Variants in GOLGB1 observed in about 807,000 individuals in gnomAD.
GOLGB1 encodes golgin B1.
A neutral mutation model predicts 336.9 loss-of-function variants in GOLGB1; 174 were observed. That is an observed-to-expected ratio of 0.52 (90% CI 0.46 to 0.59). The LOEUF (loss-of-function observed/expected upper bound fraction) is 0.59. Ranked by LOEUF, GOLGB1 falls within the 20% of genes least tolerant of loss-of-function variation. The pLI, the probability that GOLGB1 is intolerant of heterozygous loss-of-function variation, is 0.00. For missense variants in GOLGB1, 3,331 were observed against 3,645.3 expected, an observed-to-expected ratio of 0.91 and a Z score of 2.22; for synonymous variants, 1,208 against 1,289.2, an observed-to-expected ratio of 0.94 and a Z score of 1.35.
intron 20 of GOLGB1, among the ~76,000 whole-genome samples, chr3:121,665,649 A>G (rs1938508937): frequency 6.6e-6 from 1 of 152,216 alleles, no homozygotes; most frequent in Admixed American, 6.5e-5. Flanking sequence ...TCTCCATTTA[A>G]TGAAGAAGCT....
In GOLGB1 at chr3:121,694,880, C is replaced by G; in HGVS notation, c.5643G>C (p.Gln1881His). 6.2e-7 allele frequency: 1 copy of G among 1,613,678 alleles called. No individual in the cohort carries two copies. Among genetic ancestry groups the G allele is most frequent in the South Asian group, 1.1e-5 (1 of 91,070 alleles). ...TTAGTTCACCATCCTTTGTTGATAT[C>G]TGACTCAGTAAGGTATTTTTCTCAT... The part of the protein sequence containing the change: ...LENEKNTLLS[Q>H]ISTKDGELKM... The change falls in exon 13 of 22, where the codon CAG becomes CAC. Residue 1881 changes from glutamine to histidine, a missense_variant. Coordinates refer to ENST00000614479, the MANE Select transcript of GOLGB1 (RefSeq NM_001366282.2).
chr3:121,671,498 A>G (rs1430575837), intron 17 of GOLGB1, among the ~76,000 whole-genome samples: 1 of 152,200 alleles, frequency 6.6e-6, no homozygotes, highest in Non-Finnish European at 1.5e-5. Flanking sequence ...CCAGATACTT[A>G]AAAAATTTTT....
chr3:121,730,651 G>C (rs1946028882), intron 2 of GOLGB1, among the ~76,000 whole-genome samples: 1 of 152,190 alleles, frequency 6.6e-6, no homozygotes, highest in Admixed American at 6.5e-5. Context: ...GGAGACAAAT[G>C]AGAAAGCCCT....
intron 1 of GOLGB1, among the ~76,000 whole-genome samples, chr3:121,747,598 T>C (rs1947457877): frequency 6.6e-6 from 1 of 151,820 alleles, no homozygotes; most frequent in African/African-American, 2.4e-5. Context: ...CCCATGGATA[T>C]TGAAAGTGCC....
intron 18 of GOLGB1, chr3:121,668,401 G>A (rs1036893370): frequency 2.5e-4 from 72 of 284,364 alleles, no homozygotes; most frequent in African/African-American, 1.6e-3. Context: ...TGGGCCGGGC[G>A]CCGTGGCTCA....
intron 14 of GOLGB1, among the ~76,000 whole-genome samples, chr3:121,686,960 G>A (rs539769906): frequency 6.6e-6 from 1 of 152,124 alleles, no homozygotes; most frequent in Non-Finnish European, 1.5e-5. Flanking sequence ...AAAAGGGAAC[G>A]CTGGAAAGGT....
At chr3:121,700,155 G>T (rs779404343) in intron 11 of GOLGB1, among the ~76,000 whole-genome samples, 5 of 152,000 alleles carry the variant, frequency 3.3e-5, no homozygotes, top group Non-Finnish European at 7.4e-5. Flanking sequence ...CAGGATGCAG[G>T]ACATAAAGCA....
chr3:121,699,828 T>C lies in GOLGB1; in HGVS notation c.1577A>G (p.Asp526Gly). ...LEAQNRTGEA[D>G]REVSEISIVD... The stretch of plus-strand genomic sequence containing the variant: ...ATCACTTACCTCACTGACTTCTCTG[T>C]CTGCCTCCCCAGTTCTATTCTGAGC... The change falls in exon 12 of 22, where the codon GAC becomes GGC. Residue 526 changes from aspartate (D) to glycine (G), a missense_variant. Coordinates refer to ENST00000614479, the MANE Select transcript of GOLGB1 (RefSeq NM_001366282.2). The C allele has an allele frequency of 1.9e-6, 3 of 1,601,712 alleles. No individual in the cohort carries two copies. Among genetic ancestry groups the C allele is most frequent in the Non-Finnish European group, 2.6e-6 (3 of 1,169,658 alleles).
chr3:121,674,837 T>G (rs1178839454), intron 17 of GOLGB1, among the ~76,000 whole-genome samples: 1 of 149,106 alleles, frequency 6.7e-6, no homozygotes. Context: ...TTTTTTTTTT[T>G]TTTTTTTTTG....
chr3:121,717,139 T>C lies in GOLGB1; in HGVS notation c.886A>G (p.Ile296Val). Residue 296 changes from isoleucine to valine, a missense_variant and splice_region_variant, in exon 9 of 22, where the codon ATT becomes GTT. Physicochemically the swap from Ile to Val is conservative, Grantham distance 29 (BLOSUM62 3). Coordinates refer to ENST00000614479, the MANE Select transcript of GOLGB1 (RefSeq NM_001366282.2). ...ELTAAEQRNQ[I>V]LSQQLQQMEA... ...ATCTGCTGTAACTGCTGAGAGAGAA[T>C]CTAAGAAAAAAGACAAAGTCTCATG... 1.3e-6 allele frequency: 2 copies of C among 1,589,270 alleles called. No homozygotes were observed. Among genetic ancestry groups the C allele is most frequent in the Non-Finnish European group, 1.7e-6 (2 of 1,170,232 alleles).
At chr3:121,706,853 C>G (rs1943900207) in intron 10 of GOLGB1, among the ~76,000 whole-genome samples, 1 of 150,138 alleles carries the variant, frequency 6.7e-6, no homozygotes, top group Non-Finnish European at 1.5e-5. Context: ...GAATTCTAGT[C>G]AGCAAAAAAT....
At position 121,692,091 on chromosome 3, in the gene GOLGB1, C is replaced by T. The variant is rs2107789721; in HGVS notation, c.7273G>A (p.Glu2425Lys). ...TCTAAAACAATATTCTCCTCTTCCTCCTGGGACAGCAGGTTTTCCAGCTCT... is the reference window on the plus strand; with the variant it reads ...TCTAAAACAATATTCTCCTCTTCCTTCTGGGACAGCAGGTTTTCCAGCTCT... ...IKELENLLSQ[E>K]EEENIVLEEE... The change falls in exon 14 of 22, where the codon GAG (glutamate) becomes AAG (lysine). Residue 2425 changes from glutamate to lysine, a missense_variant. Glu to Lys is a moderately conservative substitution (Grantham distance 56, BLOSUM62 1). Coordinates refer to ENST00000614479, the MANE Select transcript of GOLGB1 (RefSeq NM_001366282.2). 1.2e-6 allele frequency: 2 copies of T among 1,613,644 alleles called. No individual in the cohort carries two copies. Among genetic ancestry groups the T allele is most frequent in the South Asian group, 1.1e-5 (1 of 90,998 alleles).
rs535714876 is a variant in GOLGB1 at position 121,747,956 on chromosome 3, G to C, written c.-3+1676C>G. ...ACCACAGACTGGTATGTAATGATCA[G>C]TGGTATTCCTAATAGTAATTAACCT... On this transcript the variant is annotated intron_variant, in intron 1 of 21. Transcript: ENST00000614479. Among the ~76,000 whole-genome samples the C allele has an allele frequency of 1.2e-4, 19 of 152,168 alleles. No individual in the cohort carries two copies. In the South Asian group the frequency reaches 3.9e-3, roughly 32 times the overall value.
rs373634444 is a variant in GOLGB1, at chr3:121,715,369, A to ATTT, written c.1289-396_1289-394dup. Among the ~76,000 whole-genome samples, 233 of 128,572 alleles carry ATTT rather than the reference A, an allele frequency of 1.8e-3. 1 individual carries two copies. The highest frequency in any genetic ancestry group is 5.7e-3 in the African/African-American group (191 of 33,648). The allele number at this position is 128,572 out of a possible 152,430, so 84.3% of individuals were successfully genotyped here. A position where few individuals can be genotyped will look rare whatever the true frequency, so the allele number is the denominator to read the frequency against. On this transcript the variant is annotated intron_variant, in intron 9 of 21. Coordinates refer to ENST00000614479, the MANE Select transcript of GOLGB1 (RefSeq NM_001366282.2). ...AGGCATGCGTCACCATGCCTGGCTA[A>ATTT]TTTTTTTTTTTTTTTTTTTGTATCT...
In GOLGB1 at chr3:121,729,946, A is replaced by C; in HGVS notation, c.168T>G (p.Tyr56Ter). 6.2e-7 allele frequency: 1 copy of C among 1,609,756 alleles called. No individual in the cohort carries two copies. Among genetic ancestry groups the C allele is most frequent in the Non-Finnish European group, 8.5e-7 (1 of 1,176,026 alleles). Residue 56 changes from tyrosine (Y) to a stop codon, truncating the protein, a stop_gained, in exon 3 of 22, where the codon TAT becomes TAG. Transcript: ENST00000614479. LOFTEE classifies it high-confidence loss of function. ...TTAGCTCCACCACCAATTGCTCTGC[A>C]TAAGCCAGGCGCTCCTGAACATCTT... is the stretch of plus-strand genomic sequence containing the variant. ...TQEDVQERLA[Y>*]AEQLVVELKD... is the part of the protein sequence containing the mutation.
chr3:121,709,991 C>T (rs1171744914), intron 10 of GOLGB1, among the ~76,000 whole-genome samples: 2 of 147,206 alleles, frequency 1.4e-5, no homozygotes, highest in Non-Finnish European at 3.0e-5. Context: ...AAAAAGTAAA[C>T]ATTGTAACCA....
intron 10 of GOLGB1, among the ~76,000 whole-genome samples, chr3:121,713,503 GAGTAAAAGCTTTACACA>G (rs1181162806): frequency 6.6e-6 from 1 of 152,182 alleles, no homozygotes; most frequent in African/African-American, 2.4e-5. Context: ...CAAATATGCT[GAGTAAAAGCTTTACACA>G]TAAGAGGACC....
Position 121,676,895 on chromosome 3 carries a change from T to C in GOLGB1, c.9175A>G (p.Asn3059Asp). The part of the protein sequence containing the change: ...KELRIQQLNS[N>D]FSQLLEEKNT... ...CCAGTCTAACAAGAAACACTTACGTTGCTGTTCAGTTGCTGAATTCTTAAC... is the reference window on the plus strand; with the variant it reads ...CCAGTCTAACAAGAAACACTTACGTCGCTGTTCAGTTGCTGAATTCTTAAC... Residue 3059 changes from asparagine to aspartate, a missense_variant and splice_region_variant, in exon 17 of 22, where the codon AAC becomes GAC. By Grantham distance (23) the Asn-to-Asp change is conservative. Transcript: ENST00000614479. 1 of 1,613,578 alleles carries C rather than the reference T, an allele frequency of 6.2e-7. No individual in the cohort carries two copies. The highest frequency in any genetic ancestry group is 8.5e-7 in the Non-Finnish European group (1 of 1,179,520).
At chr3:121,680,140 C>T (rs914960176) in intron 15 of GOLGB1, among the ~76,000 whole-genome samples, 6 of 152,204 alleles carry the variant, frequency 3.9e-5, no homozygotes, top group Non-Finnish European at 8.8e-5. Flanking sequence ...GGCATCCCTT[C>T]CTTTTAGGGG....
Sources: gnomAD v4.1 joint callset for allele counts (sites outside exome capture counted in the v4.1 genomes callset) on GRCh38, gnomAD v4.1.1 for gene constraint, MANE v1.5 for transcripts, NCBI Gene and HGNC (gene_info 2026-07-23, HGNC 2026-07-21) for gene names.